Variants in PTAFR observed in about 807,000 individuals in gnomAD.
PTAFR encodes the protein platelet activating factor receptor, also known as platelet-activating factor receptor.
PTAFR carries 8 observed loss-of-function variants against 14.7 expected under a neutral mutation model. The ratio of observed to expected loss-of-function variants is 0.54; its 90% confidence interval spans 0.32 to 0.98. The LOEUF (loss-of-function observed/expected upper bound fraction) is 0.98, where lower values mean the gene tolerates loss of function less well. Among genes scored for constraint, PTAFR ranks in the 50% least tolerant of loss-of-function variants. PTAFR has a pLI of 0.04. For missense variants in PTAFR, 337 were observed against 451.2 expected (o/e 0.75, Z 2.29); for synonymous variants, 156 against 176.5 (o/e 0.88, Z 0.92).
intron 1 of PTAFR, among the ~76,000 whole-genome samples, chr1:28,158,265 G>A (rs1014994911): frequency 2.0e-5 from 3 of 152,174 alleles, no homozygotes; most frequent in Non-Finnish European, 4.4e-5. Flanking sequence ...TTGATAGTGC[G>A]AGGAGAGAGG....
At chr1:28,192,524 C>T (rs1367320170) in intron 1 of PTAFR, among the ~76,000 whole-genome samples, 1 of 144,156 alleles carries the variant, frequency 6.9e-6, no homozygotes, top group Non-Finnish European at 1.5e-5. Context: ...CGCCATTGCA[C>T]TCCAGCCTGG....
Position 28,150,706 on chromosome 1 carries a change from C to T in PTAFR, c.316G>A (p.Ala106Thr), listed in dbSNP as rs1304164235. The change falls in exon 2 of 2, where the codon GCC becomes ACC. Residue 106 changes from alanine (A) to threonine (T), a missense_variant. By Grantham distance (58) the Ala-to-Thr change is moderately conservative. Transcript: ENST00000373857. This position sits in a 1 kb window ranked among gnomAD's most constrained non-coding sequence, Gnocchi z 6.3. ...TTATAAGTGATGACGCCCAGGAAGGCCACAGAGCAGTAGGTGTTGATGAAG... is the reference window on the plus strand; with the variant it reads ...TTATAAGTGATGACGCCCAGGAAGGTCACAGAGCAGTAGGTGTTGATGAAG... ...LFFINTYCSVAFLGVITYNRF... is the reference protein window; with the variant it reads ...LFFINTYCSVTFLGVITYNRF... The T allele has an allele frequency of 1.9e-6, 3 of 1,613,978 alleles. No homozygotes were observed. The highest frequency in any genetic ancestry group is 2.5e-6 in the Non-Finnish European group (3 of 1,180,034).
chr1:28,150,733 A>T lies in PTAFR; in HGVS notation c.289T>A (p.Phe97Ile). 4 of 1,614,158 alleles carry T rather than the reference A, an allele frequency of 2.5e-6. No individual in the cohort carries two copies. The highest frequency in any genetic ancestry group is 3.4e-6 in the Non-Finnish European group (4 of 1,180,018). ...ACAGAGCAGTAGGTGTTGATGAAGAAAAGGCAGCCAGCCACGTTGCACAGG... is the reference window on the plus strand; with the variant it reads ...ACAGAGCAGTAGGTGTTGATGAAGATAAGGCAGCCAGCCACGTTGCACAGG... ...KFLCNVAGCL[F>I]FINTYCSVAF... is the part of the protein sequence containing the mutation. Residue 97 changes from phenylalanine (F) to isoleucine (I), a missense_variant, in exon 2 of 2, where the codon TTC (phenylalanine) becomes ATC (isoleucine). By Grantham distance (21) the Phe-to-Ile change is conservative. Transcript: ENST00000373857. The surrounding 1 kb of genome is among the most constrained non-coding windows in gnomAD (Gnocchi z 6.3).
intron 1 of PTAFR, among the ~76,000 whole-genome samples, chr1:28,184,638 T>G (rs1369165136): frequency 5.3e-5 from 8 of 151,958 alleles, no homozygotes; most frequent in Non-Finnish European, 1.2e-4. Flanking sequence ...GTTTTTCCTT[T>G]TGTTTTTTTG....
At chr1:28,185,385 A>G (rs1160198033) in intron 1 of PTAFR, among the ~76,000 whole-genome samples, 1 of 152,212 alleles carries the variant, frequency 6.6e-6, no homozygotes, top group Non-Finnish European at 1.5e-5. Context: ...CACAACTATT[A>G]TAAAGGGGTT....
At chr1:28,181,836 A>C (rs931400664) in intron 1 of PTAFR, among the ~76,000 whole-genome samples, 1 of 152,180 alleles carries the variant, frequency 6.6e-6, no homozygotes, top group Non-Finnish European at 1.5e-5. Flanking sequence ...GAGGTCAAGC[A>C]TAGGAGCTCA....
At chr1:28,166,625 C>T (rs373281081) in intron 1 of PTAFR, among the ~76,000 whole-genome samples, 1 of 151,356 alleles carries the variant, frequency 6.6e-6, no homozygotes, top group African/African-American at 2.4e-5. Context: ...GAGCCAAGAT[C>T]GTGCCATTGC....
At chr1:28,187,246 A>G (rs772741851) in intron 1 of PTAFR, among the ~76,000 whole-genome samples, 32 of 152,344 alleles carry the variant, frequency 2.1e-4, no homozygotes, top group Non-Finnish European at 3.8e-4. Flanking sequence ...AGAGACCCCC[A>G]TAAATAGAGA....
At chr1:28,169,999 C>CA (rs55770214) in intron 1 of PTAFR, among the ~76,000 whole-genome samples, 39,546 of 122,692 alleles carry the variant, frequency 0.32, 6,198 homozygotes, top group African/African-American at 0.46. Context: ...GACTCCATCT[C>CA]AAAAAAAAAA....
At chr1:28,158,471 G>A (rs1183928604) in intron 1 of PTAFR, among the ~76,000 whole-genome samples, 3 of 152,326 alleles carry the variant, frequency 2.0e-5, no homozygotes, top group South Asian at 2.1e-4. Flanking sequence ...AGGCCGAAGC[G>A]GGTGGATCAT....
chr1:28,154,148 T>C (rs2148993672), intron 1 of PTAFR, among the ~76,000 whole-genome samples: 1 of 151,790 alleles, frequency 6.6e-6, no homozygotes, highest in East Asian at 1.9e-4. Context: ...AGCACCTTCT[T>C]TGGAGCCAGG....
chr1:28,190,119 T>C (rs1033141139), intron 1 of PTAFR, among the ~76,000 whole-genome samples: 5 of 152,080 alleles, frequency 3.3e-5, no homozygotes, highest in African/African-American at 1.2e-4. Flanking sequence ...ATTATGGTCA[T>C]GTGCCACCAC....
intron 1 of PTAFR, among the ~76,000 whole-genome samples, chr1:28,157,630 A>ATTTTT (rs1197395346): frequency 1.5e-5 from 2 of 131,140 alleles, no homozygotes; most frequent in Non-Finnish European, 3.3e-5. Context: ...ATTAATTTTG[A>ATTTTT]TTTTTTTTTT....
intron 1 of PTAFR, among the ~76,000 whole-genome samples, chr1:28,193,493 G>A (rs916400719): frequency 8.5e-5 from 13 of 152,132 alleles, no homozygotes; most frequent in South Asian, 2.1e-4. Flanking sequence ...GGAATGCTGC[G>A]TCTGTTGGTG....
At chr1:28,173,380 C>T (rs996921357) in intron 1 of PTAFR, among the ~76,000 whole-genome samples, 9 of 151,286 alleles carry the variant, frequency 5.9e-5, no homozygotes, top group Admixed American at 2.0e-4. Flanking sequence ...CCAAGGCAGG[C>T]GGATTGCTTG....
rs1220288167 is a variant in PTAFR, at chr1:28,149,658, T to C, written c.*335A>G. On this transcript the variant is annotated 3_prime_UTR_variant, in exon 2 of 2. Coordinates refer to ENST00000373857, the MANE Select transcript of PTAFR (RefSeq NM_000952.5). ...CCCAAAGCTTTAGACCGATGCCCCA[T>C]CGGGGAGAACTAGGTGGTTTAAAGT... The C allele has an allele frequency of 7.4e-6, 2 of 268,778 alleles. No individual in the cohort carries two copies. Among genetic ancestry groups the C allele is most frequent in the Non-Finnish European group, 1.4e-5 (2 of 140,134 alleles). 16.6% of individuals were successfully genotyped at this position (268,778 alleles called of 1,614,324 possible).
At chr1:28,155,064 G>A (rs967570414) in intron 1 of PTAFR, among the ~76,000 whole-genome samples, 1 of 152,080 alleles carries the variant, frequency 6.6e-6, no homozygotes, top group East Asian at 1.9e-4. Flanking sequence ...CTCACCTCGT[G>A]CCACCTTAGC....
chr1:28,170,130 A>G (rs1246185841), intron 1 of PTAFR, among the ~76,000 whole-genome samples: 1 of 152,172 alleles, frequency 6.6e-6, no homozygotes, highest in Non-Finnish European at 1.5e-5. Flanking sequence ...ATAACAATCT[A>G]TCACATTGCA....
chr1:28,178,717 G>A (rs1322973676), upstream of PTAFR, among the ~76,000 whole-genome samples: 8 of 151,160 alleles, frequency 5.3e-5, no homozygotes, highest in Non-Finnish European at 1.0e-4. Context: ...ACTCTCATGC[G>A]AAGATGCCCA....
Sources: allele counts gnomAD v4.1 joint callset (sites outside exome capture counted in the v4.1 genomes callset), GRCh38; gene constraint gnomAD v4.1.1; non-coding constraint Gnocchi (gnomAD v3.1); transcripts MANE v1.5; gene names NCBI Gene and HGNC (gene_info 2026-07-23, HGNC 2026-07-21).